RADIL: variants seen among roughly 807,000 people sequenced by gnomAD.
The protein encoded by RADIL is ras-associating and dilute domain-containing protein.
RADIL carries 99 observed loss-of-function variants against 97.6 expected under a neutral mutation model. The ratio of observed to expected loss-of-function variants is 1.01; its 90% confidence interval spans 0.86 to 1.20. The LOEUF is 1.20. RADIL is among the 50% of genes most tolerant of loss of function. The pLI is 0.00. For missense variants in RADIL, 1,765 were observed against 1,498.9 expected (o/e 1.18, Z -2.93); for synonymous variants, 803 against 691.8 (o/e 1.16, Z -2.52).
chr7:4,862,075 G>A (rs915504888), intron 2 of RADIL: 5 of 370,692 alleles, frequency 1.3e-5, no homozygotes, highest in African/African-American at 1.0e-4. Flanking sequence ...CAGCGCGAGG[G>A]CTCACGGGAG....
rs912855669 is a variant in RADIL, at chr7:4,837,816, GA to G, written c.536-1212del. ...GGAAAGCCAGCCGGCTGCGATAGAT[GA>G]AAACCGCTCACCAGTCCCCAGCTGA... is the stretch of plus-strand genomic sequence containing the variant. On this transcript the variant is annotated intron_variant, in intron 2 of 14. Transcript: ENST00000399583. The surrounding 1 kb of genome is among the most constrained non-coding windows in gnomAD (Gnocchi z 5.6). 72 of 985,150 alleles carry G rather than the reference GA, an allele frequency of 7.3e-5. No homozygotes were observed. In the African/African-American group the frequency reaches 1.2e-3, roughly 16 times the overall value. The allele number at this position is 985,150 out of a possible 1,614,324, so 61.0% of individuals were successfully genotyped here. A position where few individuals can be genotyped will look rare whatever the true frequency, so the allele number is the denominator to read the frequency against.
rs777930552 is a variant in RADIL at position 4,816,441 on chromosome 7, G to C, written c.1753C>G (p.Leu585Val). 1.2e-6 allele frequency: 2 copies of C among 1,607,690 alleles called. No individual in the cohort carries two copies. The highest frequency in any genetic ancestry group is 1.7e-6 in the Non-Finnish European group (2 of 1,178,046). Residue 585 changes from leucine (L) to valine (V), a missense_variant, in exon 8 of 15, where the codon CTC becomes GTC. Coordinates refer to ENST00000399583, the MANE Select transcript of RADIL (RefSeq NM_018059.5). Reference sequence around the variant, plus strand: ...GTCTGGAATGGCGGGCACTCCAGGAGTGCCGGGAGGCAGATGTACAGGGAC... The same window carrying C: ...GTCTGGAATGGCGGGCACTCCAGGACTGCCGGGAGGCAGATGTACAGGGAC... ...SKSLYICLPALLECPPFQTER... is the reference protein window; with the variant it reads ...SKSLYICLPAVLECPPFQTER...
At chr7:4,855,672 G>A (rs1410151447) in intron 2 of RADIL, among the ~76,000 whole-genome samples, 1 of 133,758 alleles carries the variant, frequency 7.5e-6, no homozygotes, top group Non-Finnish European at 1.6e-5. Context: ...GTCTCATATT[G>A]TATTTTCCTT....
chr7:4,857,379 G>C (rs980464098), intron 2 of RADIL, among the ~76,000 whole-genome samples: 1 of 152,072 alleles, frequency 6.6e-6, no homozygotes, highest in Non-Finnish European at 1.5e-5. Context: ...GTTTTCCCGT[G>C]GAATCTGACC....
At chr7:4,809,877 G>C (rs1288799364) in intron 9 of RADIL, among the ~76,000 whole-genome samples, 1 of 152,102 alleles carries the variant, frequency 6.6e-6, no homozygotes, top group African/African-American at 2.4e-5. Context: ...AATAGAGACA[G>C]CGTCTTGCTC....
intron 1 of RADIL, among the ~76,000 whole-genome samples, chr7:4,882,771 C>G (rs1318267524): frequency 6.6e-6 from 1 of 152,242 alleles, no homozygotes; most frequent in Non-Finnish European, 1.5e-5. Flanking sequence ...AGGAGACCGA[C>G]TTGCCCCCCA....
intron 9 of RADIL, 161 bp from the exon 10 acceptor site, chr7:4,805,877 C>G (rs1218067817): frequency 8.1e-6 from 8 of 985,242 alleles, no homozygotes; most frequent in Non-Finnish European, 9.6e-6. Flanking sequence ...GTCACAGCAG[C>G]AGTTCACCCC....
At chr7:4,812,072 G>A (rs1021294814) in intron 9 of RADIL, among the ~76,000 whole-genome samples, 1 of 151,774 alleles carries the variant, frequency 6.6e-6, no homozygotes, top group African/African-American at 2.4e-5. Context: ...TAGAGATAGG[G>A]GTTCCACCAT....
chr7:4,839,355 T>C (rs1783386016), intron 2 of RADIL, among the ~76,000 whole-genome samples: 2 of 152,196 alleles, frequency 1.3e-5, no homozygotes, highest in South Asian at 4.1e-4. Flanking sequence ...GTGTGCTTGG[T>C]ATAATTTCCG....
intron 5 of RADIL, among the ~76,000 whole-genome samples, chr7:4,825,939 A>G (rs1782964261): frequency 6.7e-6 from 1 of 148,670 alleles, no homozygotes; most frequent in Non-Finnish European, 1.5e-5. Flanking sequence ...TGTTGCAGGA[A>G]ACTGTTAAAG....
intron 9 of RADIL, among the ~76,000 whole-genome samples, chr7:4,811,643 G>A (rs1034395075): frequency 6.6e-5 from 10 of 150,672 alleles, no homozygotes; most frequent in Non-Finnish European, 1.5e-4. Context: ...GCCCGCCACC[G>A]TGCCCGGCTA....
At chr7:4,828,517 T>C (rs973091902) in intron 5 of RADIL, among the ~76,000 whole-genome samples, 4 of 152,334 alleles carry the variant, frequency 2.6e-5, no homozygotes, top group African/African-American at 7.2e-5. Flanking sequence ...GGGGAAAATA[T>C]GTTGATCACA....
At chr7:4,838,383 C>A (rs1783357326) in intron 2 of RADIL, among the ~76,000 whole-genome samples, 1 of 152,202 alleles carries the variant, frequency 6.6e-6, no homozygotes, top group Admixed American at 6.5e-5. Flanking sequence ...CTCAGAGTGA[C>A]CTGCTGGAAG....
chr7:4,863,562 T>C (rs553557760), intron 2 of RADIL, among the ~76,000 whole-genome samples: 1 of 152,358 alleles, frequency 6.6e-6, no homozygotes, highest in African/African-American at 2.4e-5. Flanking sequence ...TAATTTCTTA[T>C]CCAGGGATTA....
chr7:4,870,324 T>C (rs1278395942), intron 2 of RADIL, among the ~76,000 whole-genome samples: 5 of 152,182 alleles, frequency 3.3e-5, no homozygotes, highest in African/African-American at 1.2e-4. Context: ...GTCAGTATAT[T>C]CTCTAAAACC....
chr7:4,843,906 C>T (rs1174000510), intron 2 of RADIL, among the ~76,000 whole-genome samples: 1 of 97,266 alleles, frequency 1.0e-5, no homozygotes, highest in Non-Finnish European at 2.0e-5. Context: ...AGCGAGACTC[C>T]ATTTCAAAAA....
At position 4,867,325 on chromosome 7, in the gene RADIL, C is replaced by A. The variant is rs527659171; in HGVS notation, c.535+10280G>T. On this transcript the variant is annotated intron_variant, in intron 2 of 14. Transcript: ENST00000399583. The surrounding 1 kb of genome is among the most constrained non-coding windows in gnomAD (Gnocchi z 4.1). ...AATGCCTCCGAGAACTCTGCACAAGCCCTCAACAGGTTCATTGTGTCACCA... is the reference window on the plus strand; with the variant it reads ...AATGCCTCCGAGAACTCTGCACAAGACCTCAACAGGTTCATTGTGTCACCA... Among the ~76,000 whole-genome samples, 7 of 152,206 alleles carry A rather than the reference C, an allele frequency of 4.6e-5. No individual in the cohort carries two copies. Among genetic ancestry groups the A allele is most frequent in the African/African-American group, 1.7e-4 (7 of 41,534 alleles).
chr7:4,878,275 G>T lies in RADIL; in HGVS notation c.-64-72C>A. On this transcript the variant is annotated intron_variant, in intron 1 of 14. Transcript: ENST00000399583. The surrounding 1 kb of genome is among the most constrained non-coding windows in gnomAD (Gnocchi z 4.1). Reference sequence around the variant, plus strand: ...AAGAGCAAATGAGGCCACAGGCGGTGACTCCTGCCCGTCATCCCAGCGCTT... The same window carrying T: ...AAGAGCAAATGAGGCCACAGGCGGTTACTCCTGCCCGTCATCCCAGCGCTT... 1 of 1,006,152 alleles carries T rather than the reference G, an allele frequency of 9.9e-7. No homozygotes were observed. The highest frequency in any genetic ancestry group is 1.4e-6 in the Non-Finnish European group (1 of 711,828). The allele number at this position is 1,006,152 out of a possible 1,614,324, so 62.3% of individuals were successfully genotyped here. A position where few individuals can be genotyped will look rare whatever the true frequency, so the allele number is the denominator to read the frequency against.
intron 5 of RADIL, among the ~76,000 whole-genome samples, chr7:4,827,623 T>C (rs1235946194): frequency 6.6e-6 from 1 of 152,196 alleles, no homozygotes. Context: ...ATCGTGCCAC[T>C]GTACTCCAGC....
Sources: allele counts gnomAD v4.1 joint callset (sites outside exome capture counted in the v4.1 genomes callset), GRCh38; gene constraint gnomAD v4.1.1; non-coding constraint Gnocchi (gnomAD v3.1); transcripts MANE v1.5; gene names NCBI Gene and HGNC (gene_info 2026-07-23, HGNC 2026-07-21).